TBC1D19: variants seen among roughly 807,000 people sequenced by gnomAD.
TBC1D19 encodes TBC1 domain family, member 19.
In TBC1D19, 60 loss-of-function variants were observed where a neutral mutation model predicts 89.0. The ratio of observed to expected loss-of-function variants is 0.67; its 90% CI spans 0.55 to 0.84. TBC1D19 has a LOEUF of 0.84. TBC1D19 is among the 40% of genes least tolerant of loss of function. TBC1D19 has a pLI of 0.00. For missense variants in TBC1D19, 500 were observed against 610.8 expected (o/e 0.82, Z 1.91); for synonymous variants, 189 against 199.7 (o/e 0.95, Z 0.45).
the TBC1D19 span, among the ~76,000 whole-genome samples, chr4:26,792,106 G>T: frequency 6.6e-6 from 1 of 152,054 alleles, no homozygotes; most frequent in Non-Finnish European, 1.5e-5. Context: ...TGTCCTGGAA[G>T]TCAATGAAGA....
chr4:26,819,418 G>A, the TBC1D19 span, among the ~76,000 whole-genome samples: 2 of 152,186 alleles, frequency 1.3e-5, no homozygotes, highest in Non-Finnish European at 1.5e-5. Flanking sequence ...ATGGTGGAGA[G>A]AGGAGGGAAG....
chr4:26,817,974 AAAAAAAAATATAT>A, the TBC1D19 span, among the ~76,000 whole-genome samples: 1 of 108,282 alleles, frequency 9.2e-6, no homozygotes, highest in African/African-American at 4.0e-5. Context: ...CATTTAAAAA[AAAAAAAAATATAT>A]ATATATATAT....
At chr4:26,809,828 C>T in the TBC1D19 span, among the ~76,000 whole-genome samples, 1 of 152,216 alleles carries the variant, frequency 6.6e-6, no homozygotes, top group Non-Finnish European at 1.5e-5. Flanking sequence ...TCTTCCATTA[C>T]CCCCTTGAGC....
At chr4:26,795,908 C>T in the TBC1D19 span, among the ~76,000 whole-genome samples, 2 of 152,158 alleles carry the variant, frequency 1.3e-5, no homozygotes, top group Non-Finnish European at 2.9e-5. Flanking sequence ...ATCTTACCCC[C>T]CACCATATGT....
chr4:26,787,527 C>T, the TBC1D19 span, among the ~76,000 whole-genome samples: 84 of 152,192 alleles, frequency 5.5e-4, no homozygotes, highest in Non-Finnish European at 9.9e-4. Context: ...CGGTCTCTGA[C>T]GAAAGGGCAG....
At chr4:26,852,053 C>T in the TBC1D19 span, among the ~76,000 whole-genome samples, 2 of 152,276 alleles carry the variant, frequency 1.3e-5, no homozygotes, top group African/African-American at 4.8e-5. Flanking sequence ...CAATTACTTA[C>T]TGATGTTTCC....
At chr4:26,853,426 GA>G in the TBC1D19 span, among the ~76,000 whole-genome samples, 1 of 151,978 alleles carries the variant, frequency 6.6e-6, no homozygotes, top group East Asian at 1.9e-4. Context: ...TTCCCAATTA[GA>G]ATATAAAATT....
downstream of TBC1D19, among the ~76,000 whole-genome samples, chr4:26,758,654 T>G (rs773215344): frequency 5.3e-5 from 8 of 152,162 alleles, no homozygotes; most frequent in Non-Finnish European, 1.0e-4. Context: ...GCTGCTGCAG[T>G]CTAGGAATGG....
chr4:26,754,662 T>C (rs1194945508), intron 20 of TBC1D19, among the ~76,000 whole-genome samples: 1 of 152,192 alleles, frequency 6.6e-6, no homozygotes, highest in Non-Finnish European at 1.5e-5. Context: ...GAGGCTAACA[T>C]CCAGGTTATT....
At chr4:26,598,034 T>C (rs1356497341) in intron 1 of TBC1D19, among the ~76,000 whole-genome samples, 3 of 152,222 alleles carry the variant, frequency 2.0e-5, no homozygotes, top group Non-Finnish European at 4.4e-5. Context: ...TATTTTGCCA[T>C]GCATTTTAAA....
intron 11 of TBC1D19, among the ~76,000 whole-genome samples, chr4:26,683,355 G>A (rs1713525974): frequency 6.6e-6 from 1 of 152,114 alleles, no homozygotes; most frequent in South Asian, 2.1e-4. Flanking sequence ...GATTAAATGA[G>A]TTAACTCTTG....
At chr4:26,822,713 C>T in the TBC1D19 span, among the ~76,000 whole-genome samples, 39 of 152,224 alleles carry the variant, frequency 2.6e-4, no homozygotes, top group South Asian at 1.5e-3. Flanking sequence ...TTCATTTAGG[C>T]AAGTACATTA....
chr4:26,654,401 C>T (rs1161020394), intron 7 of TBC1D19, among the ~76,000 whole-genome samples: 1 of 152,076 alleles, frequency 6.6e-6, no homozygotes, highest in Non-Finnish European at 1.5e-5. Flanking sequence ...TCTGTATTTC[C>T]TGCATTTGAA....
At chr4:26,752,419 A>AT (rs1037883133) in intron 19 of TBC1D19, among the ~76,000 whole-genome samples, 68 of 151,518 alleles carry the variant, frequency 4.5e-4, no homozygotes, top group Middle Eastern at 3.4e-3. Flanking sequence ...TATTTTTTAA[A>AT]TTTTTTGTAG....
At chr4:26,663,805 G>A (rs758479325) in intron 8 of TBC1D19, among the ~76,000 whole-genome samples, 2 of 152,252 alleles carry the variant, frequency 1.3e-5, no homozygotes, top group Middle Eastern at 3.4e-3. Context: ...CTGTCTGTGC[G>A]AGTATTGAAC....
chr4:26,739,933 G>A lies in TBC1D19; in HGVS notation c.1187G>A (p.Arg396His), dbSNP rs760892521. 5.0e-5 allele frequency: 79 copies of A among 1,595,486 alleles called. 1 individual carries two copies. Among genetic ancestry groups the A allele is most frequent in the South Asian group, 3.3e-4 (29 of 87,988 alleles). Reference sequence around the variant, plus strand: ...CAGATATTCCGTGAGATGTATGTGCGTTTTTTCTTCAGACTCCATTCCATC... The same window carrying A: ...CAGATATTCCGTGAGATGTATGTGCATTTTTTCTTCAGACTCCATTCCATC... ...LYQIFREMYV[R>H]FFFRLHSISS... The change falls in exon 17 of 21, where the codon CGT becomes CAT. Residue 396 changes from arginine to histidine, a missense_variant. Coordinates refer to ENST00000264866, the MANE Select transcript of TBC1D19 (RefSeq NM_018317.4).
intron 18 of TBC1D19, among the ~76,000 whole-genome samples, chr4:26,747,628 A>C (rs962954277): frequency 2.0e-5 from 3 of 152,344 alleles, no homozygotes; most frequent in African/African-American, 7.2e-5. Context: ...TGTCAGGGAC[A>C]GTCAAGTGAT....
At chr4:26,675,871 C>A (rs1057455627) in intron 11 of TBC1D19, among the ~76,000 whole-genome samples, 2 of 152,076 alleles carry the variant, frequency 1.3e-5, no homozygotes, top group Non-Finnish European at 2.9e-5. Context: ...GTAGTTAATT[C>A]TTTTCATACT....
At chr4:26,686,352 G>A (rs1713810195) in intron 12 of TBC1D19, among the ~76,000 whole-genome samples, 1 of 151,884 alleles carries the variant, frequency 6.6e-6, no homozygotes, top group African/African-American at 2.4e-5. Context: ...CTGAGCCAAT[G>A]ATGTTGTGAG....
Sources: allele counts gnomAD v4.1 joint callset (sites outside exome capture counted in the v4.1 genomes callset), GRCh38; gene constraint gnomAD v4.1.1; transcripts MANE v1.5; gene names NCBI Gene and HGNC (gene_info 2026-07-23, HGNC 2026-07-21).